The following ALG1 variants were observed in gnomAD, a reference collection of about 807,000 sequenced individuals.
The protein encoded by ALG1 is ALG1 chitobiosyldiphosphodolichol beta-mannosyltransferase.
Under a neutral mutation model 55.1 loss-of-function variants are expected in ALG1, and 58 were observed. The ratio of observed to expected loss-of-function variants is 1.05; its 90% CI spans 0.85 to 1.31. The LOEUF is 1.31. ALG1 is among the 50% of genes most tolerant of loss of function. The probability of loss-of-function intolerance (pLI) is 0.00; values close to 1 mark genes in which losing one functional copy is unlikely to be tolerated. For synonymous variants in ALG1, 309 were observed against 247.0 expected (o/e 1.25, Z -2.35); for missense variants, 761 against 598.6 (o/e 1.27, Z -2.83).
chr16:5,082,029 C>T (rs1957025286), intron 10 of ALG1, among the ~76,000 whole-genome samples: 1 of 151,688 alleles, frequency 6.6e-6, no homozygotes, highest in South Asian at 2.1e-4. Flanking sequence ...GCAACCTCCG[C>T]CTTCCCGGGT....
Position 5,078,830 on chromosome 16 carries a change from C to A in ALG1, c.814C>A (p.Arg272Ser), listed in dbSNP as rs774593969. Residue 272 changes from arginine (R) to serine (S), a missense_variant, in exon 7 of 13, where the codon CGT becomes AGT. By Grantham distance (110) the Arg-to-Ser change is moderately radical. Coordinates refer to ENST00000262374, the MANE Select transcript of ALG1 (RefSeq NM_019109.5). ...GGATGCTGGGAGCGGGCTGGTGACG[C>A]GTCTCCGTGAGCGGCCAGCCCTGCT... is the stretch of plus-strand genomic sequence containing the variant. The part of the protein sequence containing the change: ...ERDAGSGLVT[R>S]LRERPALLVS... 1 of 1,612,206 alleles carries A rather than the reference C, an allele frequency of 6.2e-7. No individual in the cohort carries two copies. Among genetic ancestry groups the A allele is most frequent in the South Asian group, 1.1e-5 (1 of 91,006 alleles).
intron 12 of ALG1, among the ~76,000 whole-genome samples, chr16:5,084,088 C>T (rs1377133634): frequency 3.3e-5 from 5 of 152,290 alleles, no homozygotes; most frequent in Admixed American, 6.5e-5. Context: ...CTTCTGGGAC[C>T]AGCCTTGAAA....
chr16:5,073,338 T>G, intron 3 of ALG1, 82 bp downstream of exon 3: 1 of 1,244,376 alleles, frequency 8.0e-7, no homozygotes, highest in Non-Finnish European at 1.2e-6. Context: ...ATATTGCATA[T>G]TCATATGTGT....
At chr16:5,079,943 C>T in intron 9 of ALG1, 136 bp downstream of exon 9, 1 of 1,165,780 alleles carries the variant, frequency 8.6e-7, no homozygotes, top group South Asian at 1.4e-5. Context: ...TCTTATACTG[C>T]TTGACATGGG....
In ALG1 at chr16:5,080,955, C is replaced by T; in HGVS notation, c.971C>T (p.Pro324Leu). ...GCTCTTCTCTGTGAAGGCAAAGGGC[C>T]TCTGAGGGAGTATTATAGCCGCCTC... Reference protein sequence around the residue: ...SLVCVITGKGPLREYYSRLIH... With the variant: ...SLVCVITGKGLLREYYSRLIH... The change falls in exon 10 of 13, where the codon CCT (proline) becomes CTT (leucine). Residue 324 changes from proline to leucine, a missense_variant. Pro to Leu is a moderately conservative substitution (Grantham distance 98). Coordinates refer to ENST00000262374, the MANE Select transcript of ALG1 (RefSeq NM_019109.5). The T allele has an allele frequency of 1.3e-6, 2 of 1,596,340 alleles. No homozygotes were observed. Among genetic ancestry groups the T allele is most frequent in the African/African-American group, 1.3e-5 (1 of 74,926 alleles).
chr16:5,078,205 A>G, intron 6 of ALG1, 188 bp downstream of exon 6: 1 of 767,550 alleles, frequency 1.3e-6, no homozygotes, highest in Non-Finnish European at 2.2e-6. Context: ...AGTTGTCTAC[A>G]GCCGCCTTTG....
chr16:5,074,862 G>C (rs141463248), intron 3 of ALG1, among the ~76,000 whole-genome samples: 1 of 152,222 alleles, frequency 6.6e-6, no homozygotes, highest in Admixed American at 6.5e-5. Context: ...GATTATTGAT[G>C]ATCTTGGACT....
At chr16:5,083,831 T>G (rs1396526717) in intron 12 of ALG1, 74 bp downstream of exon 12, 1 of 1,594,186 alleles carries the variant, frequency 6.3e-7, no homozygotes, top group East Asian at 2.2e-5. Flanking sequence ...CCCTGATCCC[T>G]GCTTCCCACA....
At chr16:5,081,437 C>T (rs563188905) in intron 10 of ALG1, among the ~76,000 whole-genome samples, 1 of 152,364 alleles carries the variant, frequency 6.6e-6, no homozygotes, top group Non-Finnish European at 1.5e-5. Context: ...TCCTTTGCCT[C>T]CGTCTCTTTC....
At chr16:5,078,155 A>G (rs1956949015) in intron 6 of ALG1, 138 bp downstream of exon 6, 2 of 992,366 alleles carry the variant, frequency 2.0e-6, no homozygotes, top group Admixed American at 2.0e-5. Flanking sequence ...GCTTTTGTAA[A>G]TCAAGTTTCA....
chr16:5,072,841 GAA>G (rs1956840682), intron 1 of ALG1, 108 bp from the exon 2 acceptor site: 1 of 1,054,564 alleles, frequency 9.5e-7, no homozygotes, highest in African/African-American at 1.6e-5. Flanking sequence ...GAGAGGTTTT[GAA>G]ATATCTTACT....
chr16:5,077,610 C>T (rs1956937315), intron 5 of ALG1, 76 bp downstream of exon 5: 3 of 1,432,334 alleles, frequency 2.1e-6, no homozygotes, highest in South Asian at 1.1e-5. Context: ...GCTGCCTTGC[C>T]TGCTGCCGTC....
chr16:5,081,035 G>A lies in ALG1; in HGVS notation c.1051G>A (p.Glu351Lys), dbSNP rs372462698. 68 of 1,594,800 alleles carry A rather than the reference G, an allele frequency of 4.3e-5. No individual in the cohort carries two copies. In the East Asian group the frequency reaches 7.6e-4, roughly 18 times the overall value. Residue 351 changes from glutamate to lysine, a missense_variant, in exon 10 of 13, where the codon GAG becomes AAG. Physicochemically the swap from Glu to Lys is moderately conservative, Grantham distance 56. Coordinates refer to ENST00000262374, the MANE Select transcript of ALG1 (RefSeq NM_019109.5). ...GGTCTGCACCCCCTGGCTGGAGGCC[G>A]AGGACTACCCCCTGCTTCTAGGTGA... The part of the protein sequence containing the change: ...IQVCTPWLEA[E>K]DYPLLLGSAD...
chr16:5,079,256 C>T (rs1275920625), intron 8 of ALG1, 154 bp downstream of exon 8: 1 of 464,294 alleles, frequency 2.2e-6, no homozygotes, highest in African/African-American at 2.1e-5. Flanking sequence ...CCCTGAATCC[C>T]CAGTTGGGTC....
rs765240150 is a variant in ALG1, at chr16:5,073,144, G to C, written c.287-9G>C. On this transcript the variant is annotated splice_polypyrimidine_tract_variant and intron_variant, in intron 2 of 12. Coordinates refer to ENST00000262374, the MANE Select transcript of ALG1 (RefSeq NM_019109.5). ...CCTTTGGTAGTCACAGGTGTTTTCT[G>C]ACTTGCAGTTGGGCCCCGAGTTTTC... 2 of 1,614,136 alleles carry C rather than the reference G, an allele frequency of 1.2e-6. No homozygotes were observed. The highest frequency in any genetic ancestry group is 1.7e-6 in the Non-Finnish European group (2 of 1,179,982).
rs1956844880 is a variant in ALG1 at position 5,072,988 on chromosome 16, A to C, written c.246A>C (p.Arg82Ser). 1.2e-6 allele frequency: 2 copies of C among 1,614,218 alleles called. No homozygotes were observed. The highest frequency in any genetic ancestry group is 1.7e-6 in the Non-Finnish European group (2 of 1,180,050). ...ATGATGAGCTCTTGCAGAACAACAG[A>C]ATTCAGATTGTGGGGTTGACAGAAC... ...KPHDELLQNN[R>S]IQIVGLTELQ... The change falls in exon 2 of 13, where the codon AGA becomes AGC. Residue 82 changes from arginine to serine, a missense_variant. Coordinates refer to ENST00000262374, the MANE Select transcript of ALG1 (RefSeq NM_019109.5).
Position 5,075,432 on chromosome 16 carries a change from C to G in ALG1, c.435C>G (p.Gly145=). Residue 145 remains glycine, a synonymous_variant, in exon 4 of 13, where the codon GGC becomes GGG. Coordinates refer to ENST00000262374, the MANE Select transcript of ALG1 (RefSeq NM_019109.5). The part of the protein sequence containing the change: ...LPSIAVCWFV[G]CLCGSKLVID... Reference sequence around the variant, plus strand: ...GCATTGCTGTCTGCTGGTTCGTGGGCTGCCTTTGTGGAAGCAAGCTCGTCA... The same window carrying G: ...GCATTGCTGTCTGCTGGTTCGTGGGGTGCCTTTGTGGAAGCAAGCTCGTCA... 6.2e-7 allele frequency: 1 copy of G among 1,614,200 alleles called. No individual in the cohort carries two copies.
In ALG1 at chr16:5,086,383, C is replaced by G. The variant is rs1464533634; in HGVS notation, c.*1502C>G. On this transcript the variant is annotated 3_prime_UTR_variant, in exon 13 of 13. Coordinates refer to ENST00000262374, the MANE Select transcript of ALG1 (RefSeq NM_019109.5). Reference sequence around the variant, plus strand: ...CGCACCACACACACACCCACACACACACACAGCTTAGAAGGGGCTGCTGTT... The same window carrying G: ...CGCACCACACACACACCCACACACAGACACAGCTTAGAAGGGGCTGCTGTT... 6.6e-6 allele frequency: 1 copy of G among 151,918 alleles called. No homozygotes were observed. The highest frequency in any genetic ancestry group is 1.5e-5 in the Non-Finnish European group (1 of 68,570). 9.4% of individuals were successfully genotyped at this position (151,918 alleles called of 1,614,324 possible).
intron 10 of ALG1, among the ~76,000 whole-genome samples, chr16:5,081,282 C>T (rs934375634): frequency 1.1e-4 from 16 of 152,212 alleles, no homozygotes; most frequent in Non-Finnish European, 2.2e-4. Flanking sequence ...CAGCCTGCCA[C>T]GCCCTCCATT....
Sources: gnomAD v4.1 joint callset for allele counts (sites outside exome capture counted in the v4.1 genomes callset) on GRCh38, gnomAD v4.1.1 for gene constraint, MANE v1.5 for transcripts, NCBI Gene and HGNC (gene_info 2026-07-23, HGNC 2026-07-21) for gene names.